The following HSDL2 variants were observed in gnomAD, a reference collection of about 807,000 sequenced individuals.
HSDL2 encodes hydroxysteroid dehydrogenase like 2, also known as hydroxysteroid dehydrogenase-like protein 2.
Under a neutral mutation model 46.3 loss-of-function variants are expected in HSDL2, and 27 were observed. That is an observed-to-expected ratio of 0.58 (90% CI 0.43 to 0.80). HSDL2 has a LOEUF of 0.80. Ranked by LOEUF, HSDL2 falls within the 30% of genes least tolerant of loss-of-function variation. The pLI, the probability that HSDL2 is intolerant of heterozygous loss-of-function variation, is 0.00. For synonymous variants in HSDL2, 153 were observed against 163.6 expected, an observed-to-expected ratio of 0.94 and a Z score of 0.50; for missense variants, 451 against 502.7, an observed-to-expected ratio of 0.90 and a Z score of 0.98.
intron 8 of HSDL2, among the ~76,000 whole-genome samples, chr9:112,442,272 A>G (rs1832656684): frequency 7.2e-6 from 1 of 138,320 alleles, no homozygotes; most frequent in African/African-American, 2.5e-5. Context: ...CTGTCTCAAA[A>G]AAAAAAAAAA....
At chr9:112,465,589 C>G (rs958222720) in intron 10 of HSDL2, among the ~76,000 whole-genome samples, 1 of 152,214 alleles carries the variant, frequency 6.6e-6, no homozygotes, top group Non-Finnish European at 1.5e-5. Context: ...CTGGCAACCA[C>G]TAATCTGCTT....
At position 112,435,354 on chromosome 9, in the gene HSDL2, T is replaced by C. The variant is rs1196840371; in HGVS notation, c.599-3077T>C. ...CATGGAGACTAGCAGTGTGCATGTATGCATATAGTCTCAAAATAGATTATA... is the reference window on the plus strand; with the variant it reads ...CATGGAGACTAGCAGTGTGCATGTACGCATATAGTCTCAAAATAGATTATA... On this transcript the variant is annotated intron_variant, in intron 6 of 10. Coordinates refer to ENST00000398805, the MANE Select transcript of HSDL2 (RefSeq NM_032303.5). Among the ~76,000 whole-genome samples the C allele has an allele frequency of 3.9e-5, 6 of 152,144 alleles. No homozygotes were observed. The East Asian group carries it at 9.6e-4, about 24-fold the overall frequency.
chr9:112,470,519 T>C lies in HSDL2; in HGVS notation c.1232T>C (p.Met411Thr). ...MALAIKLEKL[M>T]NQMNARL ...CTAGCAATCAAATTGGAGAAGCTAATGAATCAGATGAATGCCAGACTGTGA... is the reference window on the plus strand; with the variant it reads ...CTAGCAATCAAATTGGAGAAGCTAACGAATCAGATGAATGCCAGACTGTGA... Residue 411 changes from methionine (M) to threonine (T), a missense_variant, in exon 11 of 11, where the codon ATG (methionine) becomes ACG (threonine). Coordinates refer to ENST00000398805, the MANE Select transcript of HSDL2 (RefSeq NM_032303.5). 1 of 1,602,194 alleles carries C rather than the reference T, an allele frequency of 6.2e-7. No individual in the cohort carries two copies. Among genetic ancestry groups the C allele is most frequent in the Non-Finnish European group, 8.5e-7 (1 of 1,170,110 alleles).
chr9:112,386,752 C>A (rs1587924586), intron 1 of HSDL2, among the ~76,000 whole-genome samples: 1 of 152,260 alleles, frequency 6.6e-6, no homozygotes, highest in South Asian at 2.1e-4. Flanking sequence ...CATTGCACAC[C>A]AGCCTGGGCG....
intron 8 of HSDL2, among the ~76,000 whole-genome samples, chr9:112,448,894 A>G (rs1033706448): frequency 1.3e-5 from 2 of 151,982 alleles, no homozygotes; most frequent in East Asian, 1.9e-4. Context: ...TGAAATACCT[A>G]CTAAGTCATT....
chr9:112,447,303 GT>G (rs1044860307), intron 8 of HSDL2, among the ~76,000 whole-genome samples: 1 of 151,344 alleles, frequency 6.6e-6, no homozygotes, highest in Non-Finnish European at 1.5e-5. Context: ...GTCTCCTGAA[GT>G]TTTTTTTTCT....
At chr9:112,467,198 A>T in intron 10 of HSDL2, among the ~76,000 whole-genome samples, 1 of 13,178 alleles carries the variant, frequency 7.6e-5, no homozygotes, top group Non-Finnish European at 1.3e-4. Flanking sequence ...ATGGATAAAC[A>T]AAGTGTGGTA....
At chr9:112,431,790 T>C (rs7029695) in intron 6 of HSDL2, among the ~76,000 whole-genome samples, 124,584 of 151,870 alleles carry the variant, frequency 0.82, 51,712 homozygotes, top group African/African-American at 0.93. Context: ...AGCCAAGTGA[T>C]GTTGGAGCCA....
intron 1 of HSDL2, among the ~76,000 whole-genome samples, chr9:112,383,249 T>G (rs1195301076): frequency 2.0e-5 from 3 of 152,028 alleles, no homozygotes; most frequent in African/African-American, 7.2e-5. Flanking sequence ...ATTTTTGTAA[T>G]TTTAGTAGAG....
At chr9:112,451,935 T>A (rs1832894256) in intron 8 of HSDL2, among the ~76,000 whole-genome samples, 1 of 152,186 alleles carries the variant, frequency 6.6e-6, no homozygotes, top group African/African-American at 2.4e-5. Flanking sequence ...GTGGTGATGT[T>A]TGATCTGGAT....
chr9:112,453,526 G>A (rs1564130716), intron 8 of HSDL2, among the ~76,000 whole-genome samples: 3 of 152,016 alleles, frequency 2.0e-5, no homozygotes, highest in African/African-American at 7.3e-5. Context: ...CCAAGTAGCT[G>A]GGACTACAGG....
At chr9:112,423,934 G>A (rs1174873985) in intron 6 of HSDL2, among the ~76,000 whole-genome samples, 8 of 148,504 alleles carry the variant, frequency 5.4e-5, no homozygotes, top group East Asian at 4.2e-4. Context: ...GGCTGGTCTC[G>A]AACTCCTGAC....
rs780283893 is a variant in HSDL2 at position 112,459,562 on chromosome 9, G to T, written c.1129G>T (p.Val377Leu). 3 of 1,613,362 alleles carry T rather than the reference G, an allele frequency of 1.9e-6. No individual in the cohort carries two copies. The African/African-American group carries it at 4.0e-5, about 22-fold the overall frequency. ...VVMSMTTDDF[V>L]KMFSGKLKPT... Reference sequence around the variant, plus strand: ...GATGAGTATGACTACTGATGACTTTGTAAAAATGTTTTCAGGTGAGTTTTC... The same window carrying T: ...GATGAGTATGACTACTGATGACTTTTTAAAAATGTTTTCAGGTGAGTTTTC... The change falls in exon 10 of 11, where the codon GTA becomes TTA. Residue 377 changes from valine (V) to leucine (L), a missense_variant. Physicochemically the swap from Val to Leu is conservative, Grantham distance 32. Coordinates refer to ENST00000398805, the MANE Select transcript of HSDL2 (RefSeq NM_032303.5).
chr9:112,429,973 C>T (rs1280966059), intron 6 of HSDL2, among the ~76,000 whole-genome samples: 2 of 151,988 alleles, frequency 1.3e-5, no homozygotes, highest in African/African-American at 2.4e-5. Flanking sequence ...GTCCCAACTA[C>T]TCAGGGGGCT....
chr9:112,467,840 G>A (rs1251355117), intron 10 of HSDL2, among the ~76,000 whole-genome samples: 1 of 152,130 alleles, frequency 6.6e-6, no homozygotes, highest in Admixed American at 6.5e-5. Flanking sequence ...TAGACCTGAA[G>A]CTCATTAAGC....
At chr9:112,442,995 C>T (rs1047781003) in intron 8 of HSDL2, among the ~76,000 whole-genome samples, 1 of 152,078 alleles carries the variant, frequency 6.6e-6, no homozygotes, top group African/African-American at 2.4e-5. Flanking sequence ...AATAGTTACT[C>T]ATAATCCTAC....
intron 8 of HSDL2, among the ~76,000 whole-genome samples, chr9:112,446,282 C>G (rs1333754536): frequency 6.6e-6 from 1 of 152,082 alleles, no homozygotes; most frequent in Admixed American, 6.6e-5. Context: ...ATAGCTCAGG[C>G]CAGTGTGCAA....
At position 112,454,048 on chromosome 9, in the gene HSDL2, C is replaced by T. The variant is rs1832954660; in HGVS notation, c.901C>T (p.Leu301=). The T allele has an allele frequency of 6.2e-7, 1 of 1,613,820 alleles. No homozygotes were observed. The highest frequency in any genetic ancestry group is 8.5e-7 in the Non-Finnish European group (1 of 1,179,916). The part of the protein sequence containing the change: ...VPEFKEEKLQ[L]QPKPRSGAVE... ...AGAATTCAAAGAAGAGAAACTGCAG[C>T]TGCAACCAAAACCACGTTCTGGAGC... The change falls in exon 9 of 11, where the codon CTG becomes TTG. Residue 301 remains leucine (L), a synonymous_variant. Coordinates refer to ENST00000398805, the MANE Select transcript of HSDL2 (RefSeq NM_032303.5).
chr9:112,454,019 T>A lies in HSDL2; in HGVS notation c.872T>A (p.Val291Asp), dbSNP rs780863329. The change falls in exon 9 of 11, where the codon GTT becomes GAT. Residue 291 changes from valine to aspartate, a missense_variant. Val to Asp is a radical substitution (Grantham distance 152). Transcript: ENST00000398805. The part of the protein sequence containing the change: ...VSKKVESTGA[V>D]PEFKEEKLQL... ...CTTCAATAATATCTTATAGGTGCTGTTCCAGAATTCAAAGAAGAGAAACTG... is the reference window on the plus strand; with the variant it reads ...CTTCAATAATATCTTATAGGTGCTGATCCAGAATTCAAAGAAGAGAAACTG... 8.1e-6 allele frequency: 13 copies of A among 1,613,598 alleles called. No individual in the cohort carries two copies. The South Asian group carries it at 1.3e-4, about 16-fold the overall frequency.
Sources: gnomAD v4.1 joint callset for allele counts (sites outside exome capture counted in the v4.1 genomes callset) on GRCh38, gnomAD v4.1.1 for gene constraint, MANE v1.5 for transcripts, NCBI Gene and HGNC (gene_info 2026-07-23, HGNC 2026-07-21) for gene names.